Variants in RBFOX1 observed in about 807,000 individuals in gnomAD.
The protein encoded by RBFOX1 is RNA binding fox-1 homolog 1.
RBFOX1 carries 8 observed loss-of-function variants against 57.7 expected under a neutral mutation model. That is an observed-to-expected ratio of 0.14 (90% confidence interval 0.08 to 0.25). RBFOX1 has a LOEUF of 0.25. Among genes scored for constraint, RBFOX1 ranks in the 10% least tolerant of loss-of-function variants. The probability of loss-of-function intolerance (pLI) is 1.00; values close to 1 mark genes in which losing one functional copy is unlikely to be tolerated. For missense variants in RBFOX1, 611 were observed against 548.5 expected, an observed-to-expected ratio of 1.11 and a Z score of -1.14; for synonymous variants, 326 against 222.4, an observed-to-expected ratio of 1.47 and a Z score of -4.15.
chr16:6,520,308 G>T (rs964908590), intron 2 of RBFOX1, among the ~76,000 whole-genome samples: 4 of 152,168 alleles, frequency 2.6e-5, no homozygotes, highest in African/African-American at 9.7e-5. Context: ...TAGACAATGA[G>T]TTGTTTATAG....
intron 3 of RBFOX1, among the ~76,000 whole-genome samples, chr16:5,620,193 A>G (rs2048162270): frequency 6.6e-6 from 1 of 152,088 alleles, no homozygotes; most frequent in Admixed American, 6.6e-5. Flanking sequence ...CCATGCTCAC[A>G]TTATCCCAGG....
At chr16:5,425,560 C>T (rs940555780) in intron 1 of RBFOX1, among the ~76,000 whole-genome samples, 6 of 152,194 alleles carry the variant, frequency 3.9e-5, no homozygotes. Flanking sequence ...CAAAATCAGC[C>T]ATGTGACTCC....
chr16:7,281,167 T>G (rs1191474544), intron 4 of RBFOX1, among the ~76,000 whole-genome samples: 1 of 151,904 alleles, frequency 6.6e-6, no homozygotes, highest in Non-Finnish European at 1.5e-5. Flanking sequence ...CACACCTGGC[T>G]AATTTTTATA....
chr16:6,689,972 G>A (rs1252119840), intron 3 of RBFOX1, among the ~76,000 whole-genome samples: 1 of 152,200 alleles, frequency 6.6e-6, no homozygotes, highest in Non-Finnish European at 1.5e-5. Context: ...GAGTATAAGG[G>A]CAAGCTGATA....
At chr16:6,524,803 C>A (rs1205016926) in intron 2 of RBFOX1, among the ~76,000 whole-genome samples, 1 of 152,130 alleles carries the variant, frequency 6.6e-6, no homozygotes, top group African/African-American at 2.4e-5. Flanking sequence ...CATTGCCCCA[C>A]CTTCTTCCTC....
intron 4 of RBFOX1, among the ~76,000 whole-genome samples, chr16:7,110,329 C>G (rs2064475718): frequency 6.6e-6 from 1 of 151,896 alleles, no homozygotes; most frequent in African/African-American, 2.4e-5. Flanking sequence ...CCACTGCACT[C>G]CAGCTTGGGT....
chr16:7,486,882 C>A (rs2065541533), intron 4 of RBFOX1, among the ~76,000 whole-genome samples: 1 of 152,160 alleles, frequency 6.6e-6, no homozygotes, highest in Admixed American at 6.5e-5. Flanking sequence ...AGTTCAAACA[C>A]AATTCTCACT....
chr16:5,888,666 A>C (rs868235799), intron 4 of RBFOX1, among the ~76,000 whole-genome samples: 2 of 152,062 alleles, frequency 1.3e-5, no homozygotes, highest in South Asian at 2.1e-4. Context: ...GTGGTGGCAC[A>C]TGCCTGTAAT....
chr16:6,124,039 G>A (rs1057080857), intron 1 of RBFOX1, among the ~76,000 whole-genome samples: 17 of 152,214 alleles, frequency 1.1e-4, no homozygotes, highest in African/African-American at 3.1e-4. Context: ...GGGCTCATTG[G>A]TTTCTAGCTG....
chr16:6,310,185 C>G (rs183395824), intron 1 of RBFOX1, among the ~76,000 whole-genome samples: 1 of 152,124 alleles, frequency 6.6e-6, no homozygotes, highest in Non-Finnish European at 1.5e-5. Flanking sequence ...CACACCCAGC[C>G]GCTTATTGCC....
intron 3 of RBFOX1, among the ~76,000 whole-genome samples, chr16:5,820,683 G>A (rs1374426674): frequency 3.9e-5 from 6 of 152,134 alleles, no homozygotes; most frequent in Non-Finnish European, 7.3e-5. Flanking sequence ...GCGTCACAGC[G>A]TTACCCTGAA....
At chr16:7,354,830 A>G (rs2097186811) in intron 4 of RBFOX1, among the ~76,000 whole-genome samples, 1 of 152,192 alleles carries the variant, frequency 6.6e-6, no homozygotes, top group South Asian at 2.1e-4. Context: ...GTTGTACTAG[A>G]CAGTATGATA....
chr16:6,207,116 C>G (rs566447425), intron 1 of RBFOX1, among the ~76,000 whole-genome samples: 8 of 152,242 alleles, frequency 5.3e-5, no homozygotes, highest in Admixed American at 2.0e-4. Flanking sequence ...TCCTGCCAAG[C>G]AGGCTCCTGA....
chr16:6,808,742 A>T (rs1198596635), intron 3 of RBFOX1, among the ~76,000 whole-genome samples: 3 of 152,148 alleles, frequency 2.0e-5, no homozygotes, highest in African/African-American at 7.2e-5. Context: ...TTCTCCACAG[A>T]CAAATACCTG....
intron 4 of RBFOX1, among the ~76,000 whole-genome samples, chr16:7,483,871 T>C (rs1028379068): frequency 3.3e-5 from 5 of 152,236 alleles, no homozygotes; most frequent in Admixed American, 2.6e-4. Flanking sequence ...AATTAAGTGA[T>C]GGTTTATGTA....
chr16:5,395,004 C>T (rs186425932), intron 1 of RBFOX1, among the ~76,000 whole-genome samples: 1 of 152,304 alleles, frequency 6.6e-6, no homozygotes, highest in African/African-American at 2.4e-5. Flanking sequence ...CATTGGCTCC[C>T]AGTTGCTCGG....
At chr16:7,517,175 G>GTT (rs1215543793) in intron 4 of RBFOX1, among the ~76,000 whole-genome samples, 7 of 150,844 alleles carry the variant, frequency 4.6e-5, no homozygotes, top group African/African-American at 1.7e-4. Flanking sequence ...GTGTGTGTGT[G>GTT]TGTGTGTGTG....
At chr16:6,518,984 AG>A (rs1313292668) in intron 2 of RBFOX1, among the ~76,000 whole-genome samples, 1 of 152,002 alleles carries the variant, frequency 6.6e-6, no homozygotes, top group Non-Finnish European at 1.5e-5. Context: ...CAGAAAATAA[AG>A]GGGGAAATAT....
At chr16:7,038,928 C>T (rs777069261) in intron 3 of RBFOX1, among the ~76,000 whole-genome samples, 86 of 152,294 alleles carry the variant, frequency 5.6e-4, no homozygotes, top group Admixed American at 4.8e-3. Context: ...GCATCCTGAC[C>T]TCTGACATCC....
Sources: gnomAD v4.1 joint callset for allele counts (sites outside exome capture counted in the v4.1 genomes callset) on GRCh38, gnomAD v4.1.1 for gene constraint, MANE v1.5 for transcripts, NCBI Gene and HGNC (gene_info 2026-07-23, HGNC 2026-07-21) for gene names.